ST8SIA1: variants seen among roughly 807,000 people sequenced by gnomAD.
The protein encoded by ST8SIA1 is ST8 alpha-N-acetyl-neuraminide alpha-2,8-sialyltransferase 1.
A neutral mutation model predicts 35.9 loss-of-function variants in ST8SIA1; 16 were observed. The ratio of observed to expected loss-of-function variants is 0.45; its 90% CI spans 0.30 to 0.68. The LOEUF (loss-of-function observed/expected upper bound fraction) is 0.68. ST8SIA1 is among the 30% of genes least tolerant of loss of function. The pLI is 0.09. For missense variants in ST8SIA1, 383 were observed against 453.6 expected, an observed-to-expected ratio of 0.84 and a Z score of 1.41; for synonymous variants, 170 against 169.6, an observed-to-expected ratio of 1.00 and a Z score of -0.02.
Position 22,284,995 on chromosome 12 carries a change from G to A in ST8SIA1, c.381+2154C>T, listed in dbSNP as rs574147931. On this transcript the variant is annotated intron_variant, in intron 2 of 4. Transcript: ENST00000396037. ...ATGTGAGGAGCTGTTAAAGGAGATT[G>A]CTTCCTTATCTCTTCCTCATGCCAC... Among the ~76,000 whole-genome samples the A allele has an allele frequency of 1.2e-3, 182 of 152,282 alleles. 1 individual carries two copies. The highest frequency in any genetic ancestry group is 4.1e-3 in the African/African-American group (169 of 41,562).
At chr12:22,328,568 G>T (rs1866712118) in intron 1 of ST8SIA1, among the ~76,000 whole-genome samples, 1 of 152,150 alleles carries the variant, frequency 6.6e-6, no homozygotes, top group African/African-American at 2.4e-5. Flanking sequence ...TCAGTTCACA[G>T]CTACAGACCC....
intron 4 of ST8SIA1, among the ~76,000 whole-genome samples, chr12:22,211,376 T>TA (rs1865174071): frequency 6.6e-6 from 1 of 152,230 alleles, no homozygotes; most frequent in African/African-American, 2.4e-5. Flanking sequence ...CTCAATCCTC[T>TA]AATCATGCCT....
intron 1 of ST8SIA1, chr12:22,325,974 G>A: frequency 3.1e-6 from 2 of 651,720 alleles, no homozygotes; most frequent in Non-Finnish European, 5.5e-6. Flanking sequence ...AGACATAGTG[G>A]GACAAAGTGA....
At position 22,270,870 on chromosome 12, in the gene ST8SIA1, C is replaced by T. The variant is rs577824131; in HGVS notation, c.382-15481G>A. Among the ~76,000 whole-genome samples the T allele has an allele frequency of 6.4e-4, 97 of 152,218 alleles. 1 individual carries two copies. The highest frequency in any genetic ancestry group is 3.4e-3 in the Middle Eastern group (1 of 292). Reference sequence around the variant, plus strand: ...TAAAAGAAGAAACTTTTGTAGGAGTCGTAAACAGTTGACATTAATTGCTTT... The same window carrying T: ...TAAAAGAAGAAACTTTTGTAGGAGTTGTAAACAGTTGACATTAATTGCTTT... On this transcript the variant is annotated intron_variant, in intron 2 of 4. Coordinates refer to ENST00000396037, the MANE Select transcript of ST8SIA1 (RefSeq NM_003034.4).
intron 4 of ST8SIA1, among the ~76,000 whole-genome samples, chr12:22,248,560 T>C (rs916690550): frequency 1.3e-5 from 2 of 152,220 alleles, no homozygotes; most frequent in African/African-American, 4.8e-5. Context: ...CACATATTCT[T>C]GTCCATTCTG....
chr12:22,279,664 T>C (rs1866011370), intron 2 of ST8SIA1, among the ~76,000 whole-genome samples: 1 of 152,218 alleles, frequency 6.6e-6, no homozygotes, highest in Non-Finnish European at 1.5e-5. Flanking sequence ...ATGTTACTCC[T>C]TATTATCTTC....
chr12:22,271,689 A>C (rs1865913327), intron 2 of ST8SIA1, among the ~76,000 whole-genome samples: 1 of 152,196 alleles, frequency 6.6e-6, no homozygotes, highest in Non-Finnish European at 1.5e-5. Context: ...AAAATACGAG[A>C]GCGCCAATCA....
chr12:22,243,555 A>G (rs74068768), intron 4 of ST8SIA1, among the ~76,000 whole-genome samples: 4,592 of 148,576 alleles, frequency 0.031, 191 homozygotes, highest in South Asian at 0.14. Flanking sequence ...CACATGAACA[A>G]GATGCTATGA....
At chr12:22,235,301 C>T (rs972235826) in intron 4 of ST8SIA1, among the ~76,000 whole-genome samples, 5 of 151,790 alleles carry the variant, frequency 3.3e-5, no homozygotes, top group African/African-American at 1.2e-4. Context: ...ATATATAATC[C>T]AATGCAATAC....
At position 22,334,235 on chromosome 12, in the gene ST8SIA1, C is replaced by A. The variant is rs1866815072; in HGVS notation, c.-3G>T. The A allele has an allele frequency of 2.5e-6, 4 of 1,608,748 alleles. No homozygotes were observed. The highest frequency in any genetic ancestry group is 1.3e-5 in the African/African-American group (1 of 74,762). On this transcript the variant is annotated 5_prime_UTR_variant, in exon 1 of 5. Transcript: ENST00000396037. ...CGGGCCCGCCCGCAGGGGCTCATCG[C>A]AGCCCCGGCGTCCCAGGGGCGGGGG... is the stretch of plus-strand genomic sequence containing the variant.
At position 22,199,678 on chromosome 12, in the gene ST8SIA1, T is replaced by C. The variant is rs1156715925; in HGVS notation, c.*1874A>G. On this transcript the variant is annotated 3_prime_UTR_variant, in exon 5 of 5. Transcript: ENST00000396037. ...TTTTTATAATAACCTCACTATTTAATTGCATTTAGAAATGGTCTACTTCAA... is the reference window on the plus strand; with the variant it reads ...TTTTTATAATAACCTCACTATTTAACTGCATTTAGAAATGGTCTACTTCAA... The C allele has an allele frequency of 6.6e-6, 1 of 152,222 alleles. No homozygotes were observed. The highest frequency in any genetic ancestry group is 2.4e-5 in the African/African-American group (1 of 41,470). The allele number at this position is 152,222 out of a possible 1,614,324, so 9.4% of individuals were successfully genotyped here.
rs1048421640 is a variant in ST8SIA1 at position 22,241,307 on chromosome 12, C to T, written c.584+7699G>A. ...ATGGGAGGTGATTGGATTATGGGGA[C>T]GATTTCTCATCAATGGCTTAGTACC... is the stretch of plus-strand genomic sequence containing the variant. On this transcript the variant is annotated intron_variant, in intron 4 of 4. Transcript: ENST00000396037. Among the ~76,000 whole-genome samples the T allele has an allele frequency of 5.3e-5, 8 of 152,060 alleles. No individual in the cohort carries two copies. The East Asian group carries it at 1.2e-3, about 22-fold the overall frequency.
At chr12:22,266,013 T>C (rs1245777462) in intron 2 of ST8SIA1, among the ~76,000 whole-genome samples, 3 of 151,950 alleles carry the variant, frequency 2.0e-5, no homozygotes, top group African/African-American at 4.8e-5. Flanking sequence ...TACCAGCTGG[T>C]TATCTATGCA....
At chr12:22,254,919 G>T (rs1865712952) in intron 3 of ST8SIA1, among the ~76,000 whole-genome samples, 1 of 152,170 alleles carries the variant, frequency 6.6e-6, no homozygotes, top group South Asian at 2.1e-4. Context: ...ATCCATTAAA[G>T]CATTTATTCA....
At chr12:22,333,612 T>C (rs1231195021) in intron 1 of ST8SIA1, among the ~76,000 whole-genome samples, 1 of 152,236 alleles carries the variant, frequency 6.6e-6, no homozygotes. Context: ...TACCTGCTTC[T>C]TGTTCCCTAC....
intron 1 of ST8SIA1, among the ~76,000 whole-genome samples, chr12:22,303,283 T>G (rs1393885996): frequency 6.6e-6 from 1 of 151,918 alleles, no homozygotes; most frequent in Non-Finnish European, 1.5e-5. Context: ...CTCCCAAAAT[T>G]AGGTCAAGAT....
At chr12:22,257,378 ATTT>A (rs34136511) in intron 2 of ST8SIA1, among the ~76,000 whole-genome samples, 7,090 of 118,452 alleles carry the variant, frequency 0.06, 253 homozygotes, top group East Asian at 0.16. Context: ...TGCCCAGCTA[ATTT>A]TTTTTTTTTT....
At chr12:22,229,851 G>A (rs1416924393) in intron 4 of ST8SIA1, among the ~76,000 whole-genome samples, 1 of 152,120 alleles carries the variant, frequency 6.6e-6, no homozygotes, top group Non-Finnish European at 1.5e-5. Context: ...GGACAGGTCT[G>A]AACTAGTGGT....
intron 2 of ST8SIA1, among the ~76,000 whole-genome samples, chr12:22,262,005 A>G (rs1040976437): frequency 1.3e-5 from 2 of 152,218 alleles, no homozygotes; most frequent in African/African-American, 4.8e-5. Flanking sequence ...GCAGCGTGCT[A>G]TAAGGTTAGG....
Sources: allele counts gnomAD v4.1 joint callset (sites outside exome capture counted in the v4.1 genomes callset), GRCh38; gene constraint gnomAD v4.1.1; transcripts MANE v1.5; gene names NCBI Gene and HGNC (gene_info 2026-07-23, HGNC 2026-07-21).